Variants in RBM47 observed in about 807,000 individuals in gnomAD.
RBM47 encodes RNA-binding protein 47.
A neutral mutation model predicts 47.1 loss-of-function variants in RBM47; 21 were observed. The observed-to-expected ratio is 0.45, with a 90% CI of 0.32 to 0.64. The LOEUF (loss-of-function observed/expected upper bound fraction) is 0.64, where lower values mean the gene tolerates loss of function less well. Ranked by LOEUF, RBM47 falls within the 30% of genes least tolerant of loss-of-function variation. The pLI, the probability that RBM47 is intolerant of heterozygous loss-of-function variation, is 0.05. For missense variants in RBM47, 708 were observed against 870.9 expected, an observed-to-expected ratio of 0.81 and a Z score of 2.35; for synonymous variants, 375 against 361.7, an observed-to-expected ratio of 1.04 and a Z score of -0.42.
intron 3 of RBM47, among the ~76,000 whole-genome samples, chr4:40,462,349 G>GT (rs1442983284): frequency 6.6e-6 from 1 of 152,098 alleles, no homozygotes; most frequent in East Asian, 1.9e-4. Context: ...AAAGAAATTT[G>GT]TTTTTGTACA....
At chr4:40,625,415 T>A (rs1347993783) in intron 1 of RBM47, among the ~76,000 whole-genome samples, 1 of 152,156 alleles carries the variant, frequency 6.6e-6, no homozygotes, top group East Asian at 1.9e-4. Flanking sequence ...CTTTTTATTA[T>A]AATATTAATA....
chr4:40,487,964 C>T (rs1721340375), intron 2 of RBM47, among the ~76,000 whole-genome samples: 3 of 152,028 alleles, frequency 2.0e-5, no homozygotes, highest in Admixed American at 2.0e-4. Context: ...CACATCCTTT[C>T]TGTTCTTTAG....
intron 2 of RBM47, among the ~76,000 whole-genome samples, chr4:40,522,988 T>TA (rs1186462909): frequency 7.5e-6 from 1 of 133,434 alleles, no homozygotes; most frequent in African/African-American, 3.2e-5. Context: ...TTTTTTTTTT[T>TA]ACACAGAGTC....
intron 2 of RBM47, among the ~76,000 whole-genome samples, chr4:40,532,030 A>G (rs1358264585): frequency 5.3e-5 from 7 of 131,110 alleles, no homozygotes; most frequent in African/African-American, 1.4e-4. Flanking sequence ...TTTTTTTTTG[A>G]GATGGAGTCT....
At chr4:40,583,867 A>G (rs1160418451) in intron 1 of RBM47, among the ~76,000 whole-genome samples, 4 of 116,424 alleles carry the variant, frequency 3.4e-5, no homozygotes, top group East Asian at 4.4e-4. Flanking sequence ...CAAAAAAAAA[A>G]AAACAAAAAA....
intron 3 of RBM47, among the ~76,000 whole-genome samples, chr4:40,457,494 T>A (rs1039877811): frequency 1.3e-5 from 2 of 151,854 alleles, no homozygotes; most frequent in East Asian, 1.9e-4. Flanking sequence ...CAGGGTGGAA[T>A]GTAGTGACAC....
chr4:40,499,472 C>T (rs930820573), intron 2 of RBM47, among the ~76,000 whole-genome samples: 4 of 152,206 alleles, frequency 2.6e-5, no homozygotes, highest in South Asian at 4.1e-4. Context: ...TGCAATGGCA[C>T]GCTCTCAGCT....
At chr4:40,461,221 A>G (rs1717101327) in intron 3 of RBM47, among the ~76,000 whole-genome samples, 1 of 152,164 alleles carries the variant, frequency 6.6e-6, no homozygotes, top group Non-Finnish European at 1.5e-5. Context: ...TGTCTCGCGT[A>G]CTCTGTACTT....
At position 40,569,016 on chromosome 4, in the gene RBM47, T is replaced by TAGATAGATAGATAGAC. The variant is rs1472373539; in HGVS notation, c.-239-24511_-239-24510insGTCTATCTATCTATCT. ...ATAGATAGATAGATAGATAGATAGA[T>TAGATAGATAGATAGAC]AGACAGACAGACAGACAGACAGACA... is the stretch of plus-strand genomic sequence containing the variant. On this transcript the variant is annotated intron_variant, in intron 1 of 6. Transcript: ENST00000295971. Among the ~76,000 whole-genome samples, 462 of 98,854 alleles carry TAGATAGATAGATAGAC rather than the reference T, an allele frequency of 4.7e-3. 2 individuals carry two copies. Among genetic ancestry groups the TAGATAGATAGATAGAC allele is most frequent in the African/African-American group, 0.014 (414 of 28,942 alleles). The allele number at this position is 98,854 out of a possible 152,430, so 64.9% of individuals were successfully genotyped here.
In RBM47 at chr4:40,629,593, C is replaced by A. The variant is rs575391038; in HGVS notation, c.-437G>T. 1.3e-5 allele frequency: 2 copies of A among 152,342 alleles called. No homozygotes were observed. Among genetic ancestry groups the A allele is most frequent in the African/African-American group, 4.8e-5 (2 of 41,574 alleles). The allele number at this position is 152,342 out of a possible 1,614,324, so 9.4% of individuals were successfully genotyped here. A position where few individuals can be genotyped will look rare whatever the true frequency, so the allele number is the denominator to read the frequency against. On this transcript the variant is annotated 5_prime_UTR_variant, in exon 1 of 7. Coordinates refer to ENST00000295971, the MANE Select transcript of RBM47 (RefSeq NM_001098634.2). ...CAACAGAGCGTTTTAGGCTTAACTC[C>A]CAGGCTCTGGGAATTCCAGTGGGTC...
chr4:40,618,576 C>T (rs1197878104), intron 1 of RBM47, among the ~76,000 whole-genome samples: 2 of 151,736 alleles, frequency 1.3e-5, no homozygotes, highest in Non-Finnish European at 2.9e-5. Flanking sequence ...TTTGGAAGGC[C>T]GAGGTGGGCA....
At chr4:40,485,673 A>G (rs1410681374) in intron 2 of RBM47, among the ~76,000 whole-genome samples, 1 of 152,222 alleles carries the variant, frequency 6.6e-6, no homozygotes, top group East Asian at 1.9e-4. Flanking sequence ...AGTATTAATG[A>G]AAATGGTAGT....
At chr4:40,551,869 G>A (rs1053952842) in intron 1 of RBM47, among the ~76,000 whole-genome samples, 3 of 151,774 alleles carry the variant, frequency 2.0e-5, no homozygotes, top group Non-Finnish European at 2.9e-5. Flanking sequence ...GGCTAGTCTC[G>A]AACTCTTGAC....
chr4:40,561,613 A>G (rs1730642983), intron 1 of RBM47, among the ~76,000 whole-genome samples: 1 of 146,358 alleles, frequency 6.8e-6, no homozygotes, highest in Admixed American at 7.0e-5. Context: ...ACGGTGGTGC[A>G]ATCTCAGCTC....
intron 3 of RBM47, among the ~76,000 whole-genome samples, chr4:40,445,372 G>T (rs1714382436): frequency 6.6e-6 from 1 of 152,098 alleles, no homozygotes; most frequent in Non-Finnish European, 1.5e-5. Context: ...ATGAGACATG[G>T]AAGAAGAAAA....
At chr4:40,440,830 T>C (rs1283303281) in intron 3 of RBM47, among the ~76,000 whole-genome samples, 1 of 152,226 alleles carries the variant, frequency 6.6e-6, no homozygotes, top group African/African-American at 2.4e-5. Context: ...ACACAGCATT[T>C]TGAATGGTGC....
intron 3 of RBM47, among the ~76,000 whole-genome samples, chr4:40,439,420 T>G (rs1453826101): frequency 6.6e-6 from 1 of 152,222 alleles, no homozygotes; most frequent in Admixed American, 6.5e-5. Context: ...AGAAAACTTT[T>G]AGGAGCTGTC....
At chr4:40,572,240 G>A (rs1731799439) in intron 1 of RBM47, among the ~76,000 whole-genome samples, 1 of 151,300 alleles carries the variant, frequency 6.6e-6, no homozygotes, top group Admixed American at 6.6e-5. Context: ...AAAATTAGCT[G>A]GACCTCGTGG....
intron 2 of RBM47, among the ~76,000 whole-genome samples, chr4:40,520,126 T>G (rs1432095651): frequency 7.2e-5 from 11 of 152,238 alleles, no homozygotes; most frequent in Non-Finnish European, 1.6e-4. Context: ...TTCTTTTTTT[T>G]CTGTGATCAC....
Sources: gnomAD v4.1 joint callset for allele counts (sites outside exome capture counted in the v4.1 genomes callset) on GRCh38, gnomAD v4.1.1 for gene constraint, MANE v1.5 for transcripts, NCBI Gene and HGNC (gene_info 2026-07-23, HGNC 2026-07-21) for gene names.